Variants in BNC2 observed in about 807,000 individuals in gnomAD.
BNC2 encodes basonuclin zinc finger protein 2.
Under a neutral mutation model 76.3 loss-of-function variants are expected in BNC2, and 20 were observed. That is an observed-to-expected ratio of 0.26 (90% CI 0.18 to 0.38). The LOEUF (loss-of-function observed/expected upper bound fraction) is 0.38. BNC2 is among the 10% of genes least tolerant of loss of function. BNC2 has a pLI of 1.00. For missense variants in BNC2, 1,382 were observed against 1,399.8 expected (o/e 0.99, Z 0.20); for synonymous variants, 582 against 514.8 (o/e 1.13, Z -1.77).
chr9:16,627,371 G>C (rs1821027867), intron 3 of BNC2, among the ~76,000 whole-genome samples: 1 of 152,170 alleles, frequency 6.6e-6, no homozygotes, highest in Admixed American at 6.5e-5. Flanking sequence ...TCCTATGTAA[G>C]GAGAACACAA....
intron 1 of BNC2, among the ~76,000 whole-genome samples, chr9:16,866,609 C>T (rs1249575884): frequency 6.9e-6 from 1 of 145,426 alleles, no homozygotes; most frequent in Non-Finnish European, 1.5e-5. Context: ...GCCTAGAAAG[C>T]TTAGCTGACG....
intron 1 of BNC2, among the ~76,000 whole-genome samples, chr9:16,862,568 AAAC>A (rs1481731969): frequency 6.6e-6 from 1 of 152,190 alleles, no homozygotes; most frequent in Non-Finnish European, 1.5e-5. Flanking sequence ...GCCTTCCAAG[AAAC>A]AGCCAGTCAC....
chr9:16,601,300 T>C (rs1820237115), intron 3 of BNC2, among the ~76,000 whole-genome samples: 1 of 152,158 alleles, frequency 6.6e-6, no homozygotes, highest in African/African-American at 2.4e-5. Context: ...TCCTCAAATT[T>C]TGTACCTCGG....
intron 1 of BNC2, among the ~76,000 whole-genome samples, chr9:16,836,365 T>C (rs1040510247): frequency 1.3e-5 from 2 of 152,126 alleles, no homozygotes; most frequent in South Asian, 2.1e-4. Context: ...CGAATGCATA[T>C]ATAAAGTAGA....
At chr9:16,477,616 T>C (rs2131457626) in intron 5 of BNC2, among the ~76,000 whole-genome samples, 1 of 152,350 alleles carries the variant, frequency 6.6e-6, no homozygotes, top group South Asian at 2.1e-4. Flanking sequence ...TTAATATATC[T>C]AGACTATTTC....
At chr9:16,501,581 C>G (rs1378870150) in intron 5 of BNC2, among the ~76,000 whole-genome samples, 1 of 152,108 alleles carries the variant, frequency 6.6e-6, no homozygotes, top group Non-Finnish European at 1.5e-5. Context: ...CTAATACATG[C>G]TTTTAGAACT....
intron 3 of BNC2, among the ~76,000 whole-genome samples, chr9:16,680,586 A>C (rs564112423): frequency 6.6e-6 from 1 of 152,052 alleles, no homozygotes; most frequent in East Asian, 1.9e-4. Flanking sequence ...AAAAAAAAAA[A>C]ACGTTGATCT....
chr9:16,526,282 T>A (rs1402276580), intron 5 of BNC2, among the ~76,000 whole-genome samples: 1 of 152,092 alleles, frequency 6.6e-6, no homozygotes, highest in Non-Finnish European at 1.5e-5. Flanking sequence ...AAAAATGTGA[T>A]CATTTGCTAA....
chr9:16,630,797 C>G (rs940426619), intron 3 of BNC2, among the ~76,000 whole-genome samples: 2 of 143,250 alleles, frequency 1.4e-5, no homozygotes, highest in African/African-American at 5.5e-5. Context: ...TGGAGGGCAA[C>G]GGTGCGATCT....
At chr9:16,673,438 A>AC (rs1334100478) in intron 3 of BNC2, among the ~76,000 whole-genome samples, 185 of 149,128 alleles carry the variant, frequency 1.2e-3, no homozygotes, top group African/African-American at 4.2e-3. Context: ...TTTAAAAAAA[A>AC]AAAAAACACA....
At chr9:16,759,197 T>A (rs1366203598) in intron 1 of BNC2, among the ~76,000 whole-genome samples, 1 of 152,204 alleles carries the variant, frequency 6.6e-6, no homozygotes, top group Non-Finnish European at 1.5e-5. Context: ...TATGATTTCA[T>A]ACAAAAAATC....
intron 5 of BNC2, among the ~76,000 whole-genome samples, chr9:16,488,553 G>T: frequency 6.6e-6 from 1 of 152,144 alleles, no homozygotes; most frequent in East Asian, 1.9e-4. Flanking sequence ...AAATGAATGC[G>T]TTTAGTCTGG....
intron 1 of BNC2, 83 bp from the exon 2 acceptor site, chr9:16,738,568 T>A: frequency 2.0e-6 from 2 of 976,886 alleles, no homozygotes; most frequent in East Asian, 2.8e-5. Flanking sequence ...CTTTAAGAAA[T>A]TGCAAATATA....
intron 3 of BNC2, among the ~76,000 whole-genome samples, chr9:16,628,739 G>C (rs1821072599): frequency 6.6e-6 from 1 of 152,120 alleles, no homozygotes; most frequent in African/African-American, 2.4e-5. Context: ...TAACCACAAA[G>C]CATTCTGAAA....
intron 1 of BNC2, among the ~76,000 whole-genome samples, chr9:16,864,574 T>A (rs1339549): frequency 0.14 from 21,571 of 152,080 alleles, 2,158 homozygotes; most frequent in African/African-American, 0.26. Context: ...AAACTGTTGG[T>A]CTTTGCAATA....
At chr9:16,770,752 C>G (rs1433718802) in intron 1 of BNC2, among the ~76,000 whole-genome samples, 1 of 152,054 alleles carries the variant, frequency 6.6e-6, no homozygotes, top group African/African-American at 2.4e-5. Context: ...GTAGAGCCAG[C>G]TACTCAGGGG....
chr9:16,676,896 T>G (rs1008578534), intron 3 of BNC2, among the ~76,000 whole-genome samples: 2 of 152,230 alleles, frequency 1.3e-5, no homozygotes, highest in African/African-American at 4.8e-5. Context: ...TATTATCATT[T>G]TCTTATTTGT....
Position 16,711,460 on chromosome 9 carries a change from G to GA in BNC2, c.330+16336dup, listed in dbSNP as rs1477404562. ...AAGGTCTGGAGAATGGGTCAACTAG[G>GA]AAAAAAAGAACAGCATGAAGTGATT... On this transcript the variant is annotated intron_variant, in intron 3 of 6. Transcript: ENST00000380672. Among the ~76,000 whole-genome samples, 3 of 151,818 alleles carry GA rather than the reference G, an allele frequency of 2.0e-5. No homozygotes were observed. In the East Asian group the frequency reaches 5.8e-4, roughly 29 times the overall value.
At chr9:16,544,910 G>A (rs1463897051) in intron 5 of BNC2, among the ~76,000 whole-genome samples, 1 of 151,838 alleles carries the variant, frequency 6.6e-6, no homozygotes, top group Non-Finnish European at 1.5e-5. Context: ...AGAGTACTAT[G>A]GGCTGGTTAT....
Sources: allele counts gnomAD v4.1 joint callset (sites outside exome capture counted in the v4.1 genomes callset), GRCh38; gene constraint gnomAD v4.1.1; transcripts MANE v1.5; gene names NCBI Gene and HGNC (gene_info 2026-07-23, HGNC 2026-07-21).